The following ADCY5 variants were observed in gnomAD, a reference collection of about 807,000 sequenced individuals.
ADCY5 encodes adenylate cyclase 5.
Under a neutral mutation model 119.7 loss-of-function variants are expected in ADCY5, and 30 were observed. That is an observed-to-expected ratio of 0.25 (90% CI 0.19 to 0.34). The LOEUF (loss-of-function observed/expected upper bound fraction) is 0.34, where lower values mean the gene tolerates loss of function less well. ADCY5 is among the 10% of genes least tolerant of loss of function. The probability of loss-of-function intolerance (pLI) is 1.00; values close to 1 mark genes in which losing one functional copy is unlikely to be tolerated. For missense variants in ADCY5, 1,324 were observed against 1,775.2 expected (o/e 0.75, Z 4.57); for synonymous variants, 753 against 762.2 (o/e 0.99, Z 0.20).
rs34008208 is a variant in ADCY5 at position 123,423,578 on chromosome 3, G to T, written c.1134+23834C>A. Reference sequence around the variant, plus strand: ...AGACTAAGGTGCAATACCCGTTTCTGTCCTCAGAGTTCCCAATCTGCTGAG... The same window carrying T: ...AGACTAAGGTGCAATACCCGTTTCTTTCCTCAGAGTTCCCAATCTGCTGAG... On this transcript the variant is annotated intron_variant, in intron 1 of 20. Transcript: ENST00000462833. Among the ~76,000 whole-genome samples, 276 of 152,266 alleles carry T rather than the reference G, an allele frequency of 1.8e-3. 1 individual carries two copies. The highest frequency in any genetic ancestry group is 0.014 in the Middle Eastern group (4 of 294).
chr3:123,388,794 G>A (rs1258812054), intron 1 of ADCY5, among the ~76,000 whole-genome samples: 1 of 152,200 alleles, frequency 6.6e-6, no homozygotes, highest in Non-Finnish European at 1.5e-5. Flanking sequence ...CCCAATATGA[G>A]CGGCAAGGGC....
At chr3:123,384,367 G>T (rs1343427441) in intron 1 of ADCY5, among the ~76,000 whole-genome samples, 1 of 152,226 alleles carries the variant, frequency 6.6e-6, no homozygotes, top group Non-Finnish European at 1.5e-5. Context: ...TGGAGCTACA[G>T]AGGCTCCTCT....
chr3:123,447,893 G>A lies in ADCY5; in HGVS notation c.653C>T (p.Ser218Phe), dbSNP rs770939966. 4.3e-5 allele frequency: 69 copies of A among 1,611,846 alleles called. No homozygotes were observed. Residue 218 changes from serine (S) to phenylalanine (F), a missense_variant, in exon 1 of 21, where the codon TCC (serine) becomes TTC (phenylalanine). Ser to Phe is a radical substitution (Grantham distance 155, BLOSUM62 -2). Around this residue, in one of 6 missense-constraint regions of ADCY5, gnomAD observed 585 missense variants for 569.9 expected, o/e 1.03. Coordinates refer to ENST00000462833, the MANE Select transcript of ADCY5 (RefSeq NM_183357.3). ...CAGTTTGTCCGACGGGAACTTCTTG[G>A]AGCGGAATATCTGCAGCAACGCCAG... is the stretch of plus-strand genomic sequence containing the variant. ...CCLALLQIFR[S>F]KKFPSDKLER...
chr3:123,357,745 G>A (rs1294334885), intron 1 of ADCY5, among the ~76,000 whole-genome samples: 1 of 152,178 alleles, frequency 6.6e-6, no homozygotes, highest in South Asian at 2.1e-4. Context: ...AAAAAAGCAG[G>A]AATCTGGGCA....
At chr3:123,355,255 G>T (rs1053062241) in intron 1 of ADCY5, among the ~76,000 whole-genome samples, 1 of 152,184 alleles carries the variant, frequency 6.6e-6, no homozygotes, top group East Asian at 1.9e-4. Flanking sequence ...GTTTAGAAAA[G>T]TCATAGGATA....
chr3:123,303,300 G>C (rs909732566), intron 13 of ADCY5, 81 bp from the exon 14 acceptor site: 107 of 1,440,950 alleles, frequency 7.4e-5, no homozygotes, highest in African/African-American at 1.3e-4. Context: ...CAGGCCGCAG[G>C]CTCCCGCCTG....
rs145393380 is a variant in ADCY5, at chr3:123,319,755, G to A, written c.2175C>T (p.Asp725=). 5.6e-4 allele frequency: 907 copies of A among 1,614,228 alleles called. 1 individual carries two copies. The African/African-American group carries it at 6.5e-3, about 11-fold the overall frequency. Residue 725 remains aspartate, a synonymous_variant, in exon 10 of 21, where the codon GAC becomes GAT. Transcript: ENST00000462833. ...EVDEFLGRAI[D]ARSIDRLRSE... is the part of the protein sequence containing the mutation. ...ACCGAAGCCTATCAATGCTCCTGGC[G>A]TCAATGGCACGGCCCAGAAACTCAT...
intron 1 of ADCY5, among the ~76,000 whole-genome samples, chr3:123,385,089 C>T (rs887272111): frequency 2.6e-5 from 4 of 152,116 alleles, no homozygotes; most frequent in African/African-American, 7.2e-5. Flanking sequence ...TCCTTACAGC[C>T]GGCACCCCAG....
chr3:123,353,695 CA>C lies in ADCY5; in HGVS notation c.1135-1115del, dbSNP rs553604238. Among the ~76,000 whole-genome samples, 40 of 152,308 alleles carry C rather than the reference CA, an allele frequency of 2.6e-4. 1 individual carries two copies. The South Asian group carries it at 8.3e-3, about 32-fold the overall frequency. On this transcript the variant is annotated intron_variant, in intron 1 of 20. Transcript: ENST00000462833. Reference sequence around the variant, plus strand: ...GGAGGGCACTTGGCCATTTGGATCCCAAAGAGTCTTGCTGTGGGACGTCGGC... The same window carrying C: ...GGAGGGCACTTGGCCATTTGGATCCCAAGAGTCTTGCTGTGGGACGTCGGC...
At chr3:123,374,931 T>C (rs1039418059) in intron 1 of ADCY5, among the ~76,000 whole-genome samples, 2 of 152,236 alleles carry the variant, frequency 1.3e-5, no homozygotes, top group African/African-American at 4.8e-5. Flanking sequence ...GAGCTCACAC[T>C]GAAGGGTTGA....
At chr3:123,313,116 A>G (rs377185320) in intron 12 of ADCY5, among the ~76,000 whole-genome samples, 4 of 149,812 alleles carry the variant, frequency 2.7e-5, no homozygotes, top group African/African-American at 1.0e-4. Flanking sequence ...CACGTGCCCA[A>G]TGGCTCTGGC....
At chr3:123,329,001 T>A (rs1941633738) in intron 5 of ADCY5, among the ~76,000 whole-genome samples, 199 bp from the exon 6 acceptor site, 1 of 152,192 alleles carries the variant, frequency 6.6e-6, no homozygotes, top group African/African-American at 2.4e-5. Flanking sequence ...TGAAAGGGGC[T>A]GTTCCCGGCC....
At chr3:123,285,070 C>T (rs1000568895) in intron 20 of ADCY5, among the ~76,000 whole-genome samples, 1 of 152,196 alleles carries the variant, frequency 6.6e-6, no homozygotes, top group East Asian at 1.9e-4. Flanking sequence ...ACAGTAAGTG[C>T]CGGGGAGCTT....
intron 1 of ADCY5, among the ~76,000 whole-genome samples, chr3:123,367,743 T>C (rs1011925885): frequency 1.3e-5 from 2 of 151,818 alleles, no homozygotes; most frequent in African/African-American, 2.4e-5. Flanking sequence ...AAGTGCAGCT[T>C]CCCTCGTGCC....
chr3:123,347,969 C>T, intron 2 of ADCY5, 66 bp from the exon 3 acceptor site: 1 of 1,599,166 alleles, frequency 6.3e-7, no homozygotes, highest in Non-Finnish European at 8.5e-7. Context: ...CTCGCTCCTC[C>T]ACACCTGTGC....
chr3:123,404,939 G>A (rs1431498616), intron 1 of ADCY5, among the ~76,000 whole-genome samples: 2 of 152,242 alleles, frequency 1.3e-5, no homozygotes, highest in African/African-American at 4.8e-5. Flanking sequence ...CCTCACCAGT[G>A]TGGTCTGATC....
intron 7 of ADCY5, among the ~76,000 whole-genome samples, chr3:123,325,797 T>A (rs1052905091): frequency 1.3e-5 from 2 of 152,244 alleles, no homozygotes; most frequent in African/African-American, 2.4e-5. Flanking sequence ...CTATCCTGGG[T>A]GCCCTTCTCT....
At chr3:123,322,790 A>G (rs1941290536) in intron 8 of ADCY5, among the ~76,000 whole-genome samples, 1 of 152,218 alleles carries the variant, frequency 6.6e-6, no homozygotes, top group African/African-American at 2.4e-5. Flanking sequence ...ATCAACCAGC[A>G]CGGCTCATCA....
At chr3:123,416,450 A>T (rs1305608284) in intron 1 of ADCY5, 1 of 963,882 alleles carries the variant, frequency 1.0e-6, no homozygotes, top group African/African-American at 1.6e-5. Flanking sequence ...TTGACTAGAA[A>T]GGAGGGAGGA....
Sources: gnomAD v4.1 joint callset for allele counts (sites outside exome capture counted in the v4.1 genomes callset) on GRCh38, gnomAD v4.1.1 for gene constraint, gnomAD v4.1.1 regional missense constraint, MANE v1.5 for transcripts, NCBI Gene and HGNC (gene_info 2026-07-23, HGNC 2026-07-21) for gene names.